Variants in AP4M1 observed in about 807,000 individuals in gnomAD.
AP4M1 encodes the protein adaptor related protein complex 4 subunit mu 1.
AP4M1 carries 58 observed loss-of-function variants against 62.4 expected under a neutral mutation model. That is an observed-to-expected ratio of 0.93 (90% CI 0.75 to 1.16). The LOEUF is 1.16. Among genes scored for constraint, AP4M1 ranks in the 50% most tolerant of loss-of-function variants. The pLI is 0.00. For synonymous variants in AP4M1, 290 were observed against 239.7 expected (o/e 1.21, Z -1.94); for missense variants, 626 against 585.4 (o/e 1.07, Z -0.72).
At position 100,107,163 on chromosome 7, in the gene AP4M1, C is replaced by T. The variant is rs1584526796; in HGVS notation, c.*281C>T. 2.7e-6 allele frequency: 4 copies of T among 1,503,328 alleles called. No homozygotes were observed. The East Asian group carries it at 9.2e-5, about 34-fold the overall frequency. 93.1% of individuals were successfully genotyped at this position (1,503,328 alleles called of 1,614,324 possible). On this transcript the variant is annotated 3_prime_UTR_variant, in exon 15 of 15. Coordinates refer to ENST00000359593, the MANE Select transcript of AP4M1 (RefSeq NM_004722.4). ...GAAGGAAGCAATCTACAACTTCCTTCCGCTTAGCGAGCATGCATGTGTGTA... is the reference window on the plus strand; with the variant it reads ...GAAGGAAGCAATCTACAACTTCCTTTCGCTTAGCGAGCATGCATGTGTGTA...
In AP4M1 at chr7:100,108,482, T is replaced by A; in HGVS notation, c.*1600T>A. On this transcript the variant is annotated 3_prime_UTR_variant, in exon 15 of 15. Coordinates refer to ENST00000359593, the MANE Select transcript of AP4M1 (RefSeq NM_004722.4). ...CCCAAGGGACCCGAATTCTGCCCGA[T>A]AGGCGTCCTGATTGTCAGGCGGTGG... 1 of 1,613,780 alleles carries A rather than the reference T, an allele frequency of 6.2e-7. No homozygotes were observed. The highest frequency in any genetic ancestry group is 8.5e-7 in the Non-Finnish European group (1 of 1,179,790).
upstream of AP4M1, chr7:100,101,133 C>G (rs1795998950): frequency 1.7e-6 from 2 of 1,166,040 alleles, no homozygotes; most frequent in African/African-American, 1.5e-5. Context: ...GGCCGCAGCT[C>G]GACCCTGCCT....
Position 100,102,540 on chromosome 7 carries a change from A to G in AP4M1, c.148-135A>G, listed in dbSNP as rs3757452. ...CCACATTGGGAAGCTGGGCCCAGGC[A>G]TATGTCATGTATCTCCCAAAGGCAC... is the stretch of plus-strand genomic sequence containing the variant. On this transcript the variant is annotated intron_variant, in intron 2 of 14. Transcript: ENST00000359593. 6.8e-3 allele frequency: 5,134 copies of G among 755,420 alleles called. 248 individuals carry two copies. In the Admixed American group the frequency reaches 0.085, roughly 13 times the overall value. 46.8% of individuals were successfully genotyped at this position (755,420 alleles called of 1,614,324 possible).
At chr7:100,104,051 C>T (rs746681567) in intron 6 of AP4M1, 41 bp from the exon 7 acceptor site, 3 of 1,555,278 alleles carry the variant, frequency 1.9e-6, no homozygotes, top group South Asian at 1.1e-5. Flanking sequence ...AGAACATAGG[C>T]TATTCTGCTT....
At chr7:100,105,701 C>A (rs942357059) in intron 11 of AP4M1, among the ~76,000 whole-genome samples, 162 bp downstream of exon 11, 6 of 151,752 alleles carry the variant, frequency 4.0e-5, no homozygotes, top group Non-Finnish European at 7.4e-5. Context: ...AATCCTAGCA[C>A]TTTGGGAGGC....
chr7:100,102,478 C>G (rs1796132084), intron 2 of AP4M1, 197 bp from the exon 3 acceptor site: 1 of 637,946 alleles, frequency 1.6e-6, no homozygotes, highest in Admixed American at 2.3e-5. Flanking sequence ...ACTCCATCCT[C>G]AGCAACTCGG....
Position 100,102,656 on chromosome 7 carries a change from C to CAGAA in AP4M1, c.148-19_148-18insAGAA. On this transcript the variant is annotated intron_variant, in intron 2 of 14. Coordinates refer to ENST00000359593, the MANE Select transcript of AP4M1 (RefSeq NM_004722.4). ...CCTCCCTTTTTTTAACGCCTCTCTT[C>CAGAA]TCCCTGCCTGTGTCTCAGCATCACC... 6.2e-7 allele frequency: 1 copy of CAGAA among 1,611,552 alleles called. No homozygotes were observed. Among genetic ancestry groups the CAGAA allele is most frequent in the Non-Finnish European group, 8.5e-7 (1 of 1,177,890 alleles).
intron 4 of AP4M1, chr7:100,103,203 C>A: frequency 1.5e-6 from 1 of 666,526 alleles, no homozygotes; most frequent in South Asian, 1.7e-5. Flanking sequence ...TCCCCTGTGC[C>A]TAGCTAATTG....
At position 100,107,415 on chromosome 7, in the gene AP4M1, G is replaced by A. The variant is rs1252420471; in HGVS notation, c.*533G>A. 1.2e-6 allele frequency: 2 copies of A among 1,608,414 alleles called. No individual in the cohort carries two copies. The highest frequency in any genetic ancestry group is 1.7e-6 in the Non-Finnish European group (2 of 1,176,202). On this transcript the variant is annotated 3_prime_UTR_variant, in exon 15 of 15. Coordinates refer to ENST00000359593, the MANE Select transcript of AP4M1 (RefSeq NM_004722.4). ...GGGAGGAACTGGAGAAGGATGGGAGGTGGGGCCTCCTTTGCCCTCCCCTGT... is the reference window on the plus strand; with the variant it reads ...GGGAGGAACTGGAGAAGGATGGGAGATGGGGCCTCCTTTGCCCTCCCCTGT...
chr7:100,104,806 G>A (rs536448879), intron 7 of AP4M1, 68 bp from the exon 8 acceptor site: 19 of 1,582,272 alleles, frequency 1.2e-5, no homozygotes, highest in Middle Eastern at 1.8e-4. Flanking sequence ...CAGCCTGGGC[G>A]ACAGAGCGAG....
chr7:100,102,796 G>A lies in AP4M1; in HGVS notation c.254+15G>A, dbSNP rs750287915. The A allele has an allele frequency of 6.2e-7, 1 of 1,613,296 alleles. No homozygotes were observed. Among genetic ancestry groups the A allele is most frequent in the Non-Finnish European group, 8.5e-7 (1 of 1,179,208 alleles). ...CTGCTCTCCAGGTGAGGAGGGTTGG[G>A]CTGGGCACCTGGTAGCTAGGAGGGG... On this transcript the variant is annotated intron_variant, in intron 3 of 14. Coordinates refer to ENST00000359593, the MANE Select transcript of AP4M1 (RefSeq NM_004722.4).
intron 14 of AP4M1, 65 bp downstream of exon 14, chr7:100,106,579 C>CCCAAACAG: frequency 6.4e-7 from 1 of 1,556,376 alleles, no homozygotes; most frequent in Non-Finnish European, 8.8e-7. Context: ...CCCCACCCTC[C>CCCAAACAG]CGAAGCAGCT....
chr7:100,105,376 G>A (rs371973205), intron 10 of AP4M1, 30 bp downstream of exon 10: 99 of 1,612,924 alleles, frequency 6.1e-5, no homozygotes, highest in East Asian at 8.9e-5. Context: ...CATAAATTCC[G>A]TCCACCATGG....
upstream of AP4M1, chr7:100,101,266 T>C (rs1363325016): frequency 6.2e-7 from 1 of 1,613,194 alleles, no homozygotes; most frequent in Non-Finnish European, 8.5e-7. Flanking sequence ...ACCCGTACCC[T>C]TCTCTAGCGC....
At chr7:100,103,789 C>T in intron 6 of AP4M1, 97 bp downstream of exon 6, 1 of 1,381,296 alleles carries the variant, frequency 7.2e-7, no homozygotes, top group Non-Finnish European at 1.0e-6. Flanking sequence ...CGCCTGTAGT[C>T]CCAGCACTTT....
In AP4M1 at chr7:100,108,244, A is replaced by T; in HGVS notation, c.*1362A>T. 1.4e-6 allele frequency: 2 copies of T among 1,453,546 alleles called. No homozygotes were observed. The highest frequency in any genetic ancestry group is 1.8e-6 in the Non-Finnish European group (2 of 1,095,010). The allele number at this position is 1,453,546 out of a possible 1,614,324, so 90.0% of individuals were successfully genotyped here. A position where few individuals can be genotyped will look rare whatever the true frequency, so the allele number is the denominator to read the frequency against. ...CTCTCACTAGGGCTGGGGCATCCTC[A>T]CTCAGGGCCTGGTTGCCCTGAGACT... On this transcript the variant is annotated 3_prime_UTR_variant, in exon 15 of 15. Coordinates refer to ENST00000359593, the MANE Select transcript of AP4M1 (RefSeq NM_004722.4).
Position 100,107,141 on chromosome 7 carries a change from G to A in AP4M1, c.*259G>A, listed in dbSNP as rs571598431. The A allele has an allele frequency of 2.5e-4, 371 of 1,455,256 alleles. No individual in the cohort carries two copies. The highest frequency in any genetic ancestry group is 3.3e-4 in the Non-Finnish European group (361 of 1,092,892). The allele number at this position is 1,455,256 out of a possible 1,614,324, so 90.1% of individuals were successfully genotyped here. On this transcript the variant is annotated 3_prime_UTR_variant, in exon 15 of 15. Coordinates refer to ENST00000359593, the MANE Select transcript of AP4M1 (RefSeq NM_004722.4). Reference sequence around the variant, plus strand: ...ATATCTAAAAAGAAAGTGACATGAAGGAAGCAATCTACAACTTCCTTCCGC... The same window carrying A: ...ATATCTAAAAAGAAAGTGACATGAAAGAAGCAATCTACAACTTCCTTCCGC...
rs758432150 is a variant in AP4M1 at position 100,107,963 on chromosome 7, A to G, written c.*1081A>G. The G allele has an allele frequency of 1.2e-6, 2 of 1,613,724 alleles. No homozygotes were observed. The highest frequency in any genetic ancestry group is 2.7e-5 in the African/African-American group (2 of 74,884). ...TGGGGCGCTGGAGGACGATGACATT[A>G]CAATAAACTTGGTTGGAGGAGGGGA... On this transcript the variant is annotated 3_prime_UTR_variant, in exon 15 of 15. Coordinates refer to ENST00000359593, the MANE Select transcript of AP4M1 (RefSeq NM_004722.4).
chr7:100,105,156 G>C (rs1796356368), intron 9 of AP4M1, 58 bp downstream of exon 9: 1 of 1,613,040 alleles, frequency 6.2e-7, no homozygotes, highest in South Asian at 1.1e-5. Flanking sequence ...AGTTCATGGA[G>C]AGAAGTCAGA....
Sources: allele counts gnomAD v4.1 joint callset (sites outside exome capture counted in the v4.1 genomes callset), GRCh38; gene constraint gnomAD v4.1.1; transcripts MANE v1.5; gene names NCBI Gene and HGNC (gene_info 2026-07-23, HGNC 2026-07-21).